PITHD1: variants seen among roughly 807,000 people sequenced by gnomAD.
PITHD1 encodes the protein PITH domain-containing protein 1.
In PITHD1, 8 loss-of-function variants were observed where a neutral mutation model predicts 27.5. That is an observed-to-expected ratio of 0.29 (90% CI 0.17 to 0.52). The LOEUF is 0.52. PITHD1 is among the 20% of genes least tolerant of loss of function. The probability of loss-of-function intolerance (pLI) is 0.96; values close to 1 mark genes in which losing one functional copy is unlikely to be tolerated. For missense variants in PITHD1, 233 were observed against 283.9 expected (o/e 0.82, Z 1.29); for synonymous variants, 118 against 106.8 (o/e 1.10, Z -0.64).
At chr1:23,783,447 G>GTA in intron 3 of PITHD1, among the ~76,000 whole-genome samples, 1 of 147,668 alleles carries the variant, frequency 6.8e-6, no homozygotes, top group South Asian at 2.1e-4. Flanking sequence ...GTGTGTGTGT[G>GTA]TGTGTGTATT....
intron 2 of PITHD1, 157 bp from the exon 3 acceptor site, chr1:23,779,707 G>C: frequency 3.0e-6 from 2 of 666,610 alleles, no homozygotes; most frequent in Non-Finnish European, 5.4e-6. Context: ...TAGAATTGTA[G>C]AATGCTAGAG....
In PITHD1 at chr1:23,778,430, T is replaced by A. The variant is rs1485189213; in HGVS notation, c.-86T>A. ...GCGCGGCGCGCTTAGTTGCCGGAGC[T>A]GAACGGCGCGGAGCTGGTCTGAGGC... On this transcript the variant is annotated 5_prime_UTR_variant, in exon 1 of 6. Coordinates refer to ENST00000246151, the MANE Select transcript of PITHD1 (RefSeq NM_020362.5). 1 of 840,666 alleles carries A rather than the reference T, an allele frequency of 1.2e-6. No homozygotes were observed. Among genetic ancestry groups the A allele is most frequent in the East Asian group, 5.8e-5 (1 of 17,350 alleles). 52.1% of individuals were successfully genotyped at this position (840,666 alleles called of 1,614,324 possible).
intron 3 of PITHD1, among the ~76,000 whole-genome samples, chr1:23,782,973 G>A (rs192610113): frequency 3.7e-4 from 56 of 151,960 alleles, no homozygotes; most frequent in African/African-American, 1.3e-3. Flanking sequence ...ATTGTAAAAT[G>A]GTATTAAATA....
rs751760078 is a variant in PITHD1, at chr1:23,786,272, A to G, written c.426-43A>G. ...CACATGGTGGTGAGATACTCATTGA[A>G]CTATAATTCATACCTTCTTTCCCTA... On this transcript the variant is annotated intron_variant, in intron 4 of 5. Transcript: ENST00000246151. The G allele has an allele frequency of 8.0e-6, 7 of 877,042 alleles. No homozygotes were observed. The East Asian group carries it at 1.8e-4, about 22-fold the overall frequency. The allele number at this position is 877,042 out of a possible 1,614,324, so 54.3% of individuals were successfully genotyped here.
chr1:23,784,215 T>C (rs2148401395), intron 3 of PITHD1, among the ~76,000 whole-genome samples: 1 of 151,168 alleles, frequency 6.6e-6, no homozygotes, highest in East Asian at 1.9e-4. Flanking sequence ...AGAAACACTT[T>C]GAAGTAAACA....
At chr1:23,783,927 T>G (rs1638646298) in intron 3 of PITHD1, among the ~76,000 whole-genome samples, 1 of 152,218 alleles carries the variant, frequency 6.6e-6, no homozygotes, top group Admixed American at 6.5e-5. Flanking sequence ...TTTGAACTTT[T>G]CCATAGTAAA....
At chr1:23,779,787 G>C in intron 2 of PITHD1, 77 bp from the exon 3 acceptor site, 1 of 1,033,000 alleles carries the variant, frequency 9.7e-7, no homozygotes, top group Admixed American at 1.7e-5. Context: ...TACAGGGGAA[G>C]GGTCTTGCCC....
At chr1:23,783,174 T>G (rs1638627289) in intron 3 of PITHD1, among the ~76,000 whole-genome samples, 1 of 150,208 alleles carries the variant, frequency 6.7e-6, no homozygotes, top group Non-Finnish European at 1.5e-5. Context: ...TTTTTTGTAT[T>G]TTTTAGTAGA....
intron 3 of PITHD1, among the ~76,000 whole-genome samples, chr1:23,781,089 GAGGC>G (rs899731619): frequency 6.6e-6 from 1 of 152,098 alleles, no homozygotes; most frequent in African/African-American, 2.4e-5. Context: ...TTGGGAGGCT[GAGGC>G]AGGAGAATCG....
chr1:23,785,189 T>A (rs1638664537), intron 3 of PITHD1: 1 of 153,350 alleles, frequency 6.5e-6, no homozygotes, highest in Admixed American at 6.5e-5. Flanking sequence ...GCTCTTTTTT[T>A]GTTGGATTAA....
Position 23,778,506 on chromosome 1 carries a change from C to G in PITHD1, c.-10C>G. 1 of 1,346,970 alleles carries G rather than the reference C, an allele frequency of 7.4e-7. No individual in the cohort carries two copies. The highest frequency in any genetic ancestry group is 9.5e-7 in the Non-Finnish European group (1 of 1,055,332). 83.4% of individuals were successfully genotyped at this position (1,346,970 alleles called of 1,614,324 possible). ...TGGGGCCGAGAGGACGCGCAGGTGG[C>G]GGCGTTGCCATGTCGCACGGTCACA... On this transcript the variant is annotated 5_prime_UTR_variant, in exon 1 of 6. Coordinates refer to ENST00000246151, the MANE Select transcript of PITHD1 (RefSeq NM_020362.5).
intron 4 of PITHD1, 37 bp from the exon 5 acceptor site, chr1:23,786,278 A>T (rs1016473577): frequency 4.2e-6 from 4 of 958,508 alleles, no homozygotes; most frequent in Non-Finnish European, 6.7e-6. Flanking sequence ...TTGAACTATA[A>T]TTCATACCTT....
chr1:23,785,790 G>T lies in PITHD1; in HGVS notation c.425+11G>T. On this transcript the variant is annotated intron_variant, in intron 4 of 5. Coordinates refer to ENST00000246151, the MANE Select transcript of PITHD1 (RefSeq NM_020362.5). ...AGAGTATGCTACAAAGTAAGCACTG[G>T]GCCTGTCTTCCATTCTCTATGGCTT... 1 of 1,454,948 alleles carries T rather than the reference G, an allele frequency of 6.9e-7. No homozygotes were observed. The highest frequency in any genetic ancestry group is 9.7e-7 in the Non-Finnish European group (1 of 1,035,088). 90.1% of individuals were successfully genotyped at this position (1,454,948 alleles called of 1,614,324 possible).
chr1:23,779,779 C>A, intron 2 of PITHD1, 85 bp from the exon 3 acceptor site: 1 of 964,194 alleles, frequency 1.0e-6, no homozygotes, highest in Non-Finnish European at 1.7e-6. Context: ...GAAGCCCATA[C>A]AGGGGAAGGG....
chr1:23,781,845 A>G (rs1212194171), intron 3 of PITHD1, among the ~76,000 whole-genome samples: 1 of 152,328 alleles, frequency 6.6e-6, no homozygotes, highest in Admixed American at 6.5e-5. Flanking sequence ...CTTAAATGAG[A>G]TAAAACATGT....
intron 1 of PITHD1, 56 bp downstream of exon 1, chr1:23,778,769 CG>C: frequency 9.9e-7 from 1 of 1,014,280 alleles, no homozygotes; most frequent in Non-Finnish European, 1.3e-6. Flanking sequence ...GGCCTCGGGC[CG>C]TCGGTCTACT....
At chr1:23,784,040 C>T (rs573069351) in intron 3 of PITHD1, among the ~76,000 whole-genome samples, 1 of 152,224 alleles carries the variant, frequency 6.6e-6, no homozygotes, top group East Asian at 1.9e-4. Context: ...GATGAGGAAA[C>T]AGAGGTTAAA....
chr1:23,781,005 T>C (rs1638588599), intron 3 of PITHD1, among the ~76,000 whole-genome samples: 1 of 151,842 alleles, frequency 6.6e-6, no homozygotes. Flanking sequence ...CTGACCAAGA[T>C]GCTGAAACCC....
At position 23,786,423 on chromosome 1, in the gene PITHD1, G is replaced by C; in HGVS notation, c.534G>C (p.Glu178Asp). The C allele has an allele frequency of 6.8e-7, 1 of 1,480,926 alleles. No homozygotes were observed. Among genetic ancestry groups the C allele is most frequent in the Non-Finnish European group, 9.4e-7 (1 of 1,063,994 alleles). The allele number at this position is 1,480,926 out of a possible 1,614,324, so 91.7% of individuals were successfully genotyped here. Reference sequence around the variant, plus strand: ...TTGGCCTGAGAGGAGAGTGGACTGAGGTAAGATGGGGTTGGAAAGGTTTTC... The same window carrying C: ...TTGGCCTGAGAGGAGAGTGGACTGACGTAAGATGGGGTTGGAAAGGTTTTC... ...FYIGLRGEWT[E>D]LRRHEVTICN... Residue 178 changes from glutamate (E) to aspartate (D), a missense_variant and splice_region_variant, in exon 5 of 6, where the codon GAG becomes GAC. Physicochemically the swap from Glu to Asp is conservative, Grantham distance 45. Transcript: ENST00000246151.
Sources: gnomAD v4.1 joint callset for allele counts (sites outside exome capture counted in the v4.1 genomes callset) on GRCh38, gnomAD v4.1.1 for gene constraint, MANE v1.5 for transcripts, NCBI Gene and HGNC (gene_info 2026-07-23, HGNC 2026-07-21) for gene names.